The following AMY2B variants were observed in gnomAD, a reference collection of about 807,000 sequenced individuals.
AMY2B encodes alpha-amylase 2B.
AMY2B carries 63 observed loss-of-function variants against 59.3 expected under a neutral mutation model. That is an observed-to-expected ratio of 1.06 (90% confidence interval 0.87 to 1.31). AMY2B has a LOEUF of 1.31. Among genes scored for constraint, AMY2B ranks in the 50% most tolerant of loss-of-function variants. The pLI is 0.00. For synonymous variants in AMY2B, 180 were observed against 198.1 expected (o/e 0.91, Z 0.77); for missense variants, 635 against 626.7 (o/e 1.01, Z -0.14).
chr1:103,573,406 A>G, intron 3 of AMY2B, 146 bp downstream of exon 3: 7 of 1,419,084 alleles, frequency 4.9e-6, no homozygotes, highest in Non-Finnish European at 6.7e-6. Flanking sequence ...AAGAAACTCA[A>G]ATCCATATTT....
upstream of AMY2B, chr1:103,569,774 A>G (rs1242890522): frequency 4.5e-6 from 2 of 441,410 alleles, no homozygotes; most frequent in African/African-American, 4.0e-5. Flanking sequence ...TAAGCATGGT[A>G]TCATGACCAA....
rs187286094 is a variant in AMY2B at position 103,555,667 on chromosome 1, G to A, written c.-207+558G>A. 4.6e-5 allele frequency among the ~76,000 whole-genome samples: 7 copies of A among 152,196 alleles called. No individual in the cohort carries two copies. In the East Asian group the frequency reaches 9.7e-4, roughly 21 times the overall value. On this transcript the variant is annotated intron_variant, in intron 1 of 11. Transcript: ENST00000361355. ...AAACATTCTTTTTTGTCAACTTGAC[G>A]TTGACAAACTTGGTGGATGTCAGGA...
chr1:103,561,468 A>G (rs533039554), intron 1 of AMY2B, among the ~76,000 whole-genome samples: 22 of 152,020 alleles, frequency 1.4e-4, no homozygotes, highest in African/African-American at 1.9e-4. Context: ...GGGTTTTGCT[A>G]TGTTGGCCAG....
chr1:103,571,416 G>C, upstream of AMY2B: 1 of 1,317,716 alleles, frequency 7.6e-7, no homozygotes, highest in Non-Finnish European at 1.0e-6. Flanking sequence ...AGGTCATTTA[G>C]ATGATTTCCA....
At chr1:103,577,894 G>T (rs1341697947) in intron 9 of AMY2B, 49 bp downstream of exon 9, 3 of 1,590,842 alleles carry the variant, frequency 1.9e-6, no homozygotes, top group South Asian at 2.2e-5. Context: ...TATGCTCTTG[G>T]TTTATTCCTT....
intron 1 of AMY2B, among the ~76,000 whole-genome samples, chr1:103,557,471 A>G (rs1446529606): frequency 1.3e-5 from 2 of 151,928 alleles, no homozygotes; most frequent in Non-Finnish European, 1.5e-5. Flanking sequence ...GGCCAACACG[A>G]TGAGACCTCG....
At chr1:103,565,697 A>G (rs1651887811) in intron 2 of AMY2B, 1 of 152,186 alleles carries the variant, frequency 6.6e-6, no homozygotes, top group Non-Finnish European at 1.5e-5. Flanking sequence ...CTGATATCCC[A>G]TCGGATAAAA....
intron 1 of AMY2B, among the ~76,000 whole-genome samples, chr1:103,558,366 C>G (rs559755039): frequency 6.6e-6 from 1 of 152,098 alleles, no homozygotes; most frequent in East Asian, 1.9e-4. Flanking sequence ...CTGATTGATA[C>G]AGCCACAACA....
chr1:103,577,003 G>A (rs1233027395), intron 7 of AMY2B, among the ~76,000 whole-genome samples: 1 of 152,208 alleles, frequency 6.6e-6, no homozygotes, highest in Non-Finnish European at 1.5e-5. Context: ...GGCGAGTCCA[G>A]GCGAGAAGAT....
At chr1:103,569,693 G>A, upstream of AMY2B, 1 of 397,510 alleles carries the variant, frequency 2.5e-6, no homozygotes, top group African/African-American at 2.1e-5. Context: ...GTGGGCATGG[G>A]CCAGAGGGAC....
At chr1:103,569,994 C>T (rs1652057066), upstream of AMY2B, 4 of 448,694 alleles carry the variant, frequency 8.9e-6, 1 homozygote, top group South Asian at 7.6e-5. Flanking sequence ...TGTGGTTGCA[C>T]ACTGGCATTG....
At chr1:103,572,933 G>A in intron 2 of AMY2B, 130 bp from the exon 3 acceptor site, 1 of 1,545,352 alleles carries the variant, frequency 6.5e-7, no homozygotes, top group South Asian at 1.2e-5. Context: ...TTTTGATCTT[G>A]TAGGAAAATA....
At chr1:103,563,461 T>C (rs1252526779) in intron 1 of AMY2B, among the ~76,000 whole-genome samples, 1 of 152,112 alleles carries the variant, frequency 6.6e-6, no homozygotes, top group Non-Finnish European at 1.5e-5. Context: ...ATGCCGAAGA[T>C]GCTAAGAATT....
chr1:103,563,591 A>G (rs1434813352), intron 1 of AMY2B, among the ~76,000 whole-genome samples: 3 of 152,124 alleles, frequency 2.0e-5, no homozygotes, highest in Non-Finnish European at 2.9e-5. Flanking sequence ...ATCAAATGAG[A>G]AAATATATGA....
Position 103,571,630 on chromosome 1 carries a change from A to T in AMY2B, c.28A>T (p.Ile10Phe), listed in dbSNP as rs140146360. The T allele has an allele frequency of 1.2e-6, 2 of 1,611,576 alleles. No homozygotes were observed. The highest frequency in any genetic ancestry group is 1.7e-5 in the Admixed American group (1 of 59,986). ...GAAGTTCTTTCTGTTGCTTTTCACC[A>T]TTGGGTTCTGCTGGGCTCAGTATTC... MKFFLLLFT[I>F]GFCWAQYSPN... The change falls in exon 1 of 10, where the codon ATT becomes TTT. Residue 10 changes from isoleucine (I) to phenylalanine (F), a missense_variant. Coordinates refer to ENST00000684275, the MANE Select transcript of AMY2B (RefSeq NM_001387437.1).
chr1:103,571,057 C>T (rs562917364), upstream of AMY2B: 170 of 556,304 alleles, frequency 3.1e-4, 3 homozygotes, highest in South Asian at 5.9e-3. Context: ...TGGGATTTGT[C>T]TACAGGCTGG....
At chr1:103,558,534 CA>C (rs916299206) in intron 1 of AMY2B, among the ~76,000 whole-genome samples, 2 of 151,038 alleles carry the variant, frequency 1.3e-5, no homozygotes, top group Non-Finnish European at 3.0e-5. Flanking sequence ...AGTAATATTT[CA>C]AAAAAAAGTA....
intron 7 of AMY2B, 63 bp downstream of exon 7, chr1:103,575,603 C>T (rs577319128): frequency 5.0e-4 from 788 of 1,590,390 alleles, no homozygotes; most frequent in Non-Finnish European, 6.1e-4. Context: ...CTTGTTCTAA[C>T]TTAATATGAC....
chr1:103,555,750 ACT>A (rs1256811161), intron 1 of AMY2B, among the ~76,000 whole-genome samples: 2 of 152,096 alleles, frequency 1.3e-5, no homozygotes, highest in African/African-American at 4.8e-5. Flanking sequence ...ATCGAAGACA[ACT>A]CTTAAAGAGT....
Sources: allele counts gnomAD v4.1 joint callset (sites outside exome capture counted in the v4.1 genomes callset), GRCh38; gene constraint gnomAD v4.1.1; transcripts MANE v1.5; gene names NCBI Gene and HGNC (gene_info 2026-07-23, HGNC 2026-07-21).